The following PMS2 variants were observed in gnomAD, a reference collection of about 807,000 sequenced individuals.
PMS2 encodes the protein mismatch repair endonuclease PMS2.
PMS2 carries 69 observed loss-of-function variants against 90.0 expected under a neutral mutation model. The observed-to-expected ratio is 0.77, with a 90% confidence interval of 0.63 to 0.94. The LOEUF (loss-of-function observed/expected upper bound fraction) is 0.94, where lower values mean the gene tolerates loss of function less well. Among genes scored for constraint, PMS2 ranks in the 40% least tolerant of loss-of-function variants. The probability of loss-of-function intolerance (pLI) is 0.00; values close to 1 mark genes in which losing one functional copy is unlikely to be tolerated. For synonymous variants in PMS2, 332 were observed against 375.1 expected, an observed-to-expected ratio of 0.89 and a Z score of 1.33; for missense variants, 966 against 1,040.2, an observed-to-expected ratio of 0.93 and a Z score of 0.98.
At chr7:6,000,580 TAGA>T (rs1214909626) in intron 5 of PMS2, among the ~76,000 whole-genome samples, 1 of 152,114 alleles carries the variant, frequency 6.6e-6, no homozygotes, top group African/African-American at 2.4e-5. Context: ...CTCTGACAAA[TAGA>T]AGTTCTACAT....
chr7:5,981,718 C>T (rs939416935), intron 12 of PMS2, among the ~76,000 whole-genome samples: 7 of 151,662 alleles, frequency 4.6e-5, no homozygotes, highest in East Asian at 1.9e-4. Context: ...TTTTTAATAG[C>T]GAAAAATACC....
rs1432242104 is a variant in PMS2 at position 5,998,967 on chromosome 7, G to A, written c.705+141C>T. Reference sequence around the variant, plus strand: ...ACAACACCACTGCACTCCAGCCTGGGCAGCAGTGCGAGACTCCCTCTCAAA... The same window carrying A: ...ACAACACCACTGCACTCCAGCCTGGACAGCAGTGCGAGACTCCCTCTCAAA... On this transcript the variant is annotated intron_variant, in intron 6 of 14. Transcript: ENST00000265849. 5 of 773,570 alleles carry A rather than the reference G, an allele frequency of 6.5e-6. No homozygotes were observed. In the African/African-American group the frequency reaches 7.1e-5, roughly 11 times the overall value. The allele number at this position is 773,570 out of a possible 1,614,324, so 47.9% of individuals were successfully genotyped here.
At chr7:5,991,922 A>T in intron 9 of PMS2, 51 bp downstream of exon 9, 1 of 861,496 alleles carries the variant, frequency 1.2e-6, no homozygotes, top group Non-Finnish European at 2.0e-6. Flanking sequence ...ATTTCATTTT[A>T]TTCTTTGAGG....
chr7:5,988,805 T>A (rs1056893897), intron 10 of PMS2, among the ~76,000 whole-genome samples: 4 of 152,174 alleles, frequency 2.6e-5, no homozygotes, highest in African/African-American at 9.7e-5. Context: ...ACAGACTGAA[T>A]AACTTCAAAT....
chr7:5,983,715 G>C (rs1372389172), intron 11 of PMS2, among the ~76,000 whole-genome samples: 1 of 150,890 alleles, frequency 6.6e-6, no homozygotes, highest in Non-Finnish European at 1.5e-5. Context: ...GCAGTGGCGT[G>C]ACCGTGGCTC....
At chr7:5,985,170 T>A (rs1248908136) in intron 11 of PMS2, among the ~76,000 whole-genome samples, 1 of 151,360 alleles carries the variant, frequency 6.6e-6, no homozygotes, top group Non-Finnish European at 1.5e-5. Context: ...TGATCATAGC[T>A]CACTGCAGCC....
At chr7:6,003,813 AG>A in intron 3 of PMS2, 21 bp from the exon 4 acceptor site, 1 of 1,496,736 alleles carries the variant, frequency 6.7e-7, no homozygotes, top group South Asian at 1.1e-5. Flanking sequence ...GTGTAAAGTA[AG>A]GACTAAGATA....
intron 9 of PMS2, among the ~76,000 whole-genome samples, chr7:5,990,987 C>T (rs1190919291): frequency 1.3e-5 from 2 of 151,964 alleles, no homozygotes; most frequent in Admixed American, 6.6e-5. Context: ...TGCACTCCAG[C>T]TTGGGAGACA....
At chr7:5,991,406 T>C (rs562956076) in intron 9 of PMS2, among the ~76,000 whole-genome samples, 76 of 152,104 alleles carry the variant, frequency 5.0e-4, no homozygotes, top group African/African-American at 1.7e-3. Context: ...AAAAAATCTA[T>C]ATGAAATGAA....
Position 5,973,466 on chromosome 7 carries a change from CA to C in PMS2, c.2521del (p.Trp841GlyfsTer10), listed in dbSNP as rs886039646. On this transcript the variant is annotated frameshift_variant, in exon 15 of 15. Transcript: ENST00000265849. LOFTEE classifies it high-confidence loss of function. ...GGTTGGCCTTCCATGGGGACAGTTC[CA>C]GGGGTGGTCCATCTCCCCCATGTGG... ...ITHMGEMDHP[W>X]NCPHGRPTMR... 3.8e-6 allele frequency: 3 copies of C among 780,544 alleles called. No individual in the cohort carries two copies. The highest frequency in any genetic ancestry group is 5.1e-5 in the African/African-American group (2 of 39,028). The allele number at this position is 780,544 out of a possible 1,614,324, so 48.4% of individuals were successfully genotyped here. A position where few individuals can be genotyped will look rare whatever the true frequency, so the allele number is the denominator to read the frequency against.
At chr7:5,995,403 A>C (rs1363216214) in intron 8 of PMS2, 131 bp downstream of exon 8, 1 of 699,882 alleles carries the variant, frequency 1.4e-6, no homozygotes, top group East Asian at 2.7e-5. Context: ...TAAATGCACA[A>C]AATAAGATAA....
intron 5 of PMS2, among the ~76,000 whole-genome samples, chr7:5,999,700 G>A (rs1784883398): frequency 6.6e-6 from 1 of 152,144 alleles, no homozygotes; most frequent in Non-Finnish European, 1.5e-5. Context: ...GGAGGCTGAG[G>A]TGGGAGGATC....
rs186446832 is a variant in PMS2, at chr7:6,006,982, T to G, written c.24-951A>C. On this transcript the variant is annotated intron_variant, in intron 1 of 14. Coordinates refer to ENST00000265849, the MANE Select transcript of PMS2 (RefSeq NM_000535.7). ...ATTTTTCTGCTTAAAAATTTACTAG[T>G]GCCCCACTTCCTACTATATGAAAGT... Among the ~76,000 whole-genome samples, 673 of 152,296 alleles carry G rather than the reference T, an allele frequency of 4.4e-3. 1 individual carries two copies. The highest frequency in any genetic ancestry group is 0.01 in the Middle Eastern group (3 of 294).
At chr7:5,986,461 G>A (rs2533062) in intron 11 of PMS2, among the ~76,000 whole-genome samples, 1 of 151,962 alleles carries the variant, frequency 6.6e-6, no homozygotes, top group South Asian at 2.1e-4. Flanking sequence ...GGAGGCCAAG[G>A]TGGCTGGATC....
intron 1 of PMS2, among the ~76,000 whole-genome samples, chr7:6,008,126 G>A (rs1238835407): frequency 2.0e-5 from 3 of 151,982 alleles, no homozygotes; most frequent in South Asian, 2.1e-4. Flanking sequence ...CAAAGTGCTG[G>A]GATTATAGGC....
chr7:5,990,736 A>G (rs1783645401), intron 9 of PMS2, among the ~76,000 whole-genome samples: 2 of 152,144 alleles, frequency 1.3e-5, no homozygotes, highest in South Asian at 4.1e-4. Flanking sequence ...ATGTAGGCTG[A>G]GTGCAGTGGC....
At chr7:5,978,122 G>GA (rs1365627104) in intron 13 of PMS2, among the ~76,000 whole-genome samples, 70 of 139,404 alleles carry the variant, frequency 5.0e-4, no homozygotes, top group African/African-American at 7.3e-4. Flanking sequence ...CTCCATCTCA[G>GA]AAAAAAAAAA....
rs760538709 is a variant in PMS2, at chr7:6,003,686, T to C, written c.353+4A>G. On this transcript the variant is annotated splice_donor_region_variant and intron_variant, in intron 4 of 14. Coordinates refer to ENST00000265849, the MANE Select transcript of PMS2 (RefSeq NM_000535.7). ...CAAGTGAGTGGATAAAAATATTGTA[T>C]CACCTCAGTGCACAAAGTGAGCTCA... 52 of 1,510,280 alleles carry C rather than the reference T, an allele frequency of 3.4e-5. No homozygotes were observed. Among genetic ancestry groups the C allele is most frequent in the Non-Finnish European group, 4.5e-5 (49 of 1,100,642 alleles). The allele number at this position is 1,510,280 out of a possible 1,614,324, so 93.6% of individuals were successfully genotyped here.
chr7:5,999,498 T>C lies in PMS2; in HGVS notation c.538-223A>G, dbSNP rs2345060. 0.21 allele frequency among the ~76,000 whole-genome samples: 32,111 copies of C among 151,982 alleles called. 3,492 individuals carry two copies. Among genetic ancestry groups the C allele is most frequent in the Middle Eastern group, 0.27 (80 of 294 alleles). ...AGTCCTCTCACTTCCCAATGTGCCA[T>C]GCATCCTGGTAAAACAACTAAAAAG... On this transcript the variant is annotated intron_variant, in intron 5 of 14. Coordinates refer to ENST00000265849, the MANE Select transcript of PMS2 (RefSeq NM_000535.7).
Sources: allele counts gnomAD v4.1 joint callset (sites outside exome capture counted in the v4.1 genomes callset), GRCh38; gene constraint gnomAD v4.1.1; transcripts MANE v1.5; gene names NCBI Gene and HGNC (gene_info 2026-07-23, HGNC 2026-07-21).